The following SLC26A7 variants were observed in gnomAD, a reference collection of about 807,000 sequenced individuals.
The protein encoded by SLC26A7 is anion exchange transporter.
Under a neutral mutation model 82.5 loss-of-function variants are expected in SLC26A7, and 59 were observed. That is an observed-to-expected ratio of 0.72 (90% CI 0.58 to 0.89). The LOEUF (loss-of-function observed/expected upper bound fraction) is 0.89. Ranked by LOEUF, SLC26A7 falls within the 40% of genes least tolerant of loss-of-function variation. SLC26A7 has a pLI of 0.00. For synonymous variants in SLC26A7, 271 were observed against 274.3 expected (o/e 0.99, Z 0.12); for missense variants, 820 against 793.0 (o/e 1.03, Z -0.41).
At chr8:91,360,925 G>GA (rs1441385918) in intron 11 of SLC26A7, among the ~76,000 whole-genome samples, 4 of 151,908 alleles carry the variant, frequency 2.6e-5, no homozygotes, top group African/African-American at 4.8e-5. Context: ...ACACCAGGAA[G>GA]AAAAAAACAC....
At chr8:91,369,906 C>A in intron 15 of SLC26A7, 73 bp downstream of exon 15, 1 of 1,185,888 alleles carries the variant, frequency 8.4e-7, no homozygotes. Flanking sequence ...AAATCTTCTT[C>A]CCCTTCTCCT....
chr8:91,387,400 T>A (rs781487050), intron 15 of SLC26A7, among the ~76,000 whole-genome samples: 5 of 152,230 alleles, frequency 3.3e-5, no homozygotes, highest in Non-Finnish European at 7.3e-5. Flanking sequence ...AGTTTACCAT[T>A]TCAGGCCGAA....
intron 2 of SLC26A7, among the ~76,000 whole-genome samples, chr8:91,224,179 G>A (rs1810201751): frequency 6.6e-6 from 1 of 151,936 alleles, no homozygotes; most frequent in African/African-American, 2.4e-5. Flanking sequence ...GTCTACTTCT[G>A]TCAGTTCGTC....
chr8:91,393,780 T>C lies in SLC26A7; in HGVS notation c.1777-17T>C. Reference sequence around the variant, plus strand: ...TATTCTGAATTAATTGTGGGTATCCTATTTTAATTCTTCCAGGTTTACATG... The same window carrying C: ...TATTCTGAATTAATTGTGGGTATCCCATTTTAATTCTTCCAGGTTTACATG... On this transcript the variant is annotated splice_polypyrimidine_tract_variant and intron_variant, in intron 16 of 18. Transcript: ENST00000276609. 6.2e-7 allele frequency: 1 copy of C among 1,612,162 alleles called. No homozygotes were observed. Among genetic ancestry groups the C allele is most frequent in the Non-Finnish European group, 8.5e-7 (1 of 1,178,512 alleles).
intron 11 of SLC26A7, among the ~76,000 whole-genome samples, chr8:91,354,079 A>C (rs1006820478): frequency 6.6e-6 from 1 of 152,142 alleles, no homozygotes; most frequent in Non-Finnish European, 1.5e-5. Context: ...TGTAGGCAGA[A>C]CAAAAGGCCA....
At chr8:91,331,887 C>G (rs1371000532) in intron 5 of SLC26A7, among the ~76,000 whole-genome samples, 1 of 151,954 alleles carries the variant, frequency 6.6e-6, no homozygotes, top group Non-Finnish European at 1.5e-5. Flanking sequence ...GAATTTACAT[C>G]TCTTTGATTA....
At chr8:91,259,686 A>G (rs894830154) in intron 2 of SLC26A7, among the ~76,000 whole-genome samples, 7 of 152,064 alleles carry the variant, frequency 4.6e-5, no homozygotes, top group Admixed American at 3.9e-4. Context: ...ACATTTGCAC[A>G]TGGTATTTCC....
intron 18 of SLC26A7, chr8:91,394,816 AT>A: frequency 1.1e-6 from 1 of 876,272 alleles, no homozygotes; most frequent in Middle Eastern, 3.9e-4. Context: ...AATTTAACCC[AT>A]TTTTAGAAAC....
chr8:91,320,487 C>T (rs1586405917), intron 5 of SLC26A7, among the ~76,000 whole-genome samples: 1 of 152,124 alleles, frequency 6.6e-6, no homozygotes, highest in Non-Finnish European at 1.5e-5. Context: ...TGGTTCTTTG[C>T]CATGGTTTCA....
intron 4 of SLC26A7, among the ~76,000 whole-genome samples, chr8:91,301,802 A>T (rs112865472): frequency 2.4e-4 from 30 of 125,306 alleles, no homozygotes; most frequent in African/African-American, 7.1e-4. Flanking sequence ...TTTACTTGTT[A>T]TTTTTTTTTC....
chr8:91,294,770 T>G (rs1811971342), intron 3 of SLC26A7, among the ~76,000 whole-genome samples: 1 of 152,152 alleles, frequency 6.6e-6, no homozygotes, highest in Non-Finnish European at 1.5e-5. Context: ...CTGAAAATGG[T>G]CCCACAAATG....
At chr8:91,284,156 A>G (rs1191479035) in intron 2 of SLC26A7, among the ~76,000 whole-genome samples, 1 of 152,216 alleles carries the variant, frequency 6.6e-6, no homozygotes, top group African/African-American at 2.4e-5. Flanking sequence ...ATTTTTGTAG[A>G]AGATAGCGGA....
chr8:91,334,157 C>T (rs949902898), intron 5 of SLC26A7, 138 bp from the exon 6 acceptor site: 9 of 752,186 alleles, frequency 1.2e-5, no homozygotes, highest in Admixed American at 9.2e-5. Flanking sequence ...ACTGACTACC[C>T]GCCTACCTAT....
chr8:91,317,814 C>G (rs1812680303), intron 4 of SLC26A7, among the ~76,000 whole-genome samples: 1 of 151,692 alleles, frequency 6.6e-6, no homozygotes, highest in Non-Finnish European at 1.5e-5. Context: ...GTGTATTTCC[C>G]TTTTTTGAAA....
chr8:91,279,572 A>AT (rs1811509652), intron 2 of SLC26A7, among the ~76,000 whole-genome samples: 3 of 151,638 alleles, frequency 2.0e-5, no homozygotes, highest in Non-Finnish European at 2.9e-5. Flanking sequence ...ATTTTATTTT[A>AT]TTTTTTTGAG....
In SLC26A7 at chr8:91,267,154, G is replaced by A. The variant is rs533624783; in HGVS notation, c.193+17310G>A. Among the ~76,000 whole-genome samples, 5 of 151,780 alleles carry A rather than the reference G, an allele frequency of 3.3e-5. No homozygotes were observed. The South Asian group carries it at 1.0e-3, about 32-fold the overall frequency. ...GTTGAATTCAGTTTACTAATATTTTGTTGAGGATTTTTCGTACTTAACTCC... is the reference window on the plus strand; with the variant it reads ...GTTGAATTCAGTTTACTAATATTTTATTGAGGATTTTTCGTACTTAACTCC... On this transcript the variant is annotated intron_variant, in intron 2 of 18. Transcript: ENST00000276609.
intron 15 of SLC26A7, among the ~76,000 whole-genome samples, chr8:91,377,341 C>A (rs971389797): frequency 5.3e-5 from 8 of 152,058 alleles, no homozygotes; most frequent in Non-Finnish European, 1.5e-5. Flanking sequence ...TTTCCTTTGT[C>A]CCAGGGGGGC....
At chr8:91,269,523 T>A (rs1811208925) in intron 2 of SLC26A7, among the ~76,000 whole-genome samples, 1 of 152,182 alleles carries the variant, frequency 6.6e-6, no homozygotes, top group African/African-American at 2.4e-5. Flanking sequence ...TTCAATGTGA[T>A]ATATTTCTTT....
At chr8:91,231,702 T>C (rs1449129570) in intron 2 of SLC26A7, among the ~76,000 whole-genome samples, 1 of 152,130 alleles carries the variant, frequency 6.6e-6, no homozygotes, top group African/African-American at 2.4e-5. Flanking sequence ...AGAAAAAAAA[T>C]GGAGCCAGTA....
Sources: allele counts gnomAD v4.1 joint callset (sites outside exome capture counted in the v4.1 genomes callset), GRCh38; gene constraint gnomAD v4.1.1; transcripts MANE v1.5; gene names NCBI Gene and HGNC (gene_info 2026-07-23, HGNC 2026-07-21).